The following ENPP6 variants were observed in gnomAD, a reference collection of about 807,000 sequenced individuals.
ENPP6 encodes the protein ectonucleotide pyrophosphatase/phosphodiesterase 6, also known as glycerophosphocholine cholinephosphodiesterase ENPP6.
A neutral mutation model predicts 42.0 loss-of-function variants in ENPP6; 32 were observed. The ratio of observed to expected loss-of-function variants is 0.76; its 90% CI spans 0.58 to 1.02. ENPP6 has a LOEUF of 1.02. Ranked by LOEUF, ENPP6 falls within the 50% of genes least tolerant of loss-of-function variation. The probability of loss-of-function intolerance (pLI) is 0.00; values close to 1 mark genes in which losing one functional copy is unlikely to be tolerated. For synonymous variants in ENPP6, 213 were observed against 216.0 expected, an observed-to-expected ratio of 0.99 and a Z score of 0.12; for missense variants, 552 against 566.8, an observed-to-expected ratio of 0.97 and a Z score of 0.27.
chr4:184,189,401 C>T (rs191114123), intron 1 of ENPP6, among the ~76,000 whole-genome samples: 2 of 152,312 alleles, frequency 1.3e-5, no homozygotes, highest in African/African-American at 4.8e-5. Flanking sequence ...GCCACTTTCC[C>T]TCTTTTTAAA....
In ENPP6 at chr4:184,101,909, G is replaced by T. The variant is rs1407489648; in HGVS notation, c.994-4541C>A. ...CAAGTCGCCCCACACCAGGACGCGC[G>T]GTGAGAAGCCGCTGCGAGGGTGCCT... On this transcript the variant is annotated intron_variant, in intron 6 of 7. Coordinates refer to ENST00000296741, the MANE Select transcript of ENPP6 (RefSeq NM_153343.4). 2.0e-5 allele frequency among the ~76,000 whole-genome samples: 3 copies of T among 152,310 alleles called. No homozygotes were observed. The South Asian group carries it at 6.2e-4, about 32-fold the overall frequency.
At chr4:184,148,485 G>A (rs1436410059) in intron 2 of ENPP6, among the ~76,000 whole-genome samples, 1 of 152,206 alleles carries the variant, frequency 6.6e-6, no homozygotes, top group Non-Finnish European at 1.5e-5. Flanking sequence ...CAAAGAGGCA[G>A]CATCTCCTCT....
chr4:184,097,212 G>A (rs1342518413), intron 7 of ENPP6, 33 bp downstream of exon 7: 4 of 1,613,618 alleles, frequency 2.5e-6, no homozygotes, highest in South Asian at 2.2e-5. Context: ...TTGGGAATGG[G>A]GTCTGAGAGC....
At chr4:184,208,482 G>C (rs914097682) in intron 1 of ENPP6, among the ~76,000 whole-genome samples, 6 of 152,290 alleles carry the variant, frequency 3.9e-5, no homozygotes, top group South Asian at 2.1e-4. Flanking sequence ...GGTGACGGAT[G>C]GCATCTGGAA....
intron 1 of ENPP6, among the ~76,000 whole-genome samples, chr4:184,155,328 A>G (rs1278430519): frequency 1.3e-5 from 2 of 152,220 alleles, no homozygotes; most frequent in African/African-American, 4.8e-5. Context: ...AAATTGTATT[A>G]TCCTAATGAT....
chr4:184,103,449 C>T lies in ENPP6; in HGVS notation c.994-6081G>A, dbSNP rs544582650. Among the ~76,000 whole-genome samples, 5 of 152,282 alleles carry T rather than the reference C, an allele frequency of 3.3e-5. No homozygotes were observed. In the South Asian group the frequency reaches 6.2e-4, roughly 19 times the overall value. ...AAATCTACTTTTTTCTTCTAGGACA[C>T]GGTTATAACAGAAGCCTCCCACCTC... On this transcript the variant is annotated intron_variant, in intron 6 of 7. Coordinates refer to ENST00000296741, the MANE Select transcript of ENPP6 (RefSeq NM_153343.4).
intron 2 of ENPP6, among the ~76,000 whole-genome samples, chr4:184,140,114 G>A (rs993329188): frequency 4.0e-5 from 6 of 151,372 alleles, no homozygotes; most frequent in Middle Eastern, 3.4e-3. Context: ...GCCAGTGATG[G>A]TGAGCATTTT....
intron 1 of ENPP6, among the ~76,000 whole-genome samples, chr4:184,200,197 G>T (rs942868557): frequency 6.6e-6 from 1 of 152,218 alleles, no homozygotes; most frequent in Admixed American, 6.5e-5. Context: ...TAGAGCCTCT[G>T]CCCATGAGAG....
intron 5 of ENPP6, among the ~76,000 whole-genome samples, chr4:184,113,912 TTTC>T (rs1342965762): frequency 3.1e-4 from 39 of 123,878 alleles, no homozygotes; most frequent in African/African-American, 1.1e-3. Flanking sequence ...TCTTTCTTTC[TTTC>T]TTTCTTTCTT....
At chr4:184,123,057 T>C (rs1736445064) in intron 3 of ENPP6, among the ~76,000 whole-genome samples, 1 of 152,246 alleles carries the variant, frequency 6.6e-6, no homozygotes, top group Non-Finnish European at 1.5e-5. Context: ...AATGAGAGCA[T>C]GAACCTTTAT....
chr4:184,142,700 C>G (rs1736843371), intron 2 of ENPP6, among the ~76,000 whole-genome samples: 1 of 152,224 alleles, frequency 6.6e-6, no homozygotes, highest in African/African-American at 2.4e-5. Context: ...ACTGGGCACA[C>G]AAAGTGACTA....
At chr4:184,103,903 G>A (rs536370493) in intron 6 of ENPP6, among the ~76,000 whole-genome samples, 23 of 152,324 alleles carry the variant, frequency 1.5e-4, no homozygotes, top group Middle Eastern at 3.4e-3. Context: ...TCCTCGAAAT[G>A]GAAAATGCAG....
intron 2 of ENPP6, among the ~76,000 whole-genome samples, chr4:184,152,151 TG>T (rs1283058474): frequency 1.3e-5 from 2 of 152,182 alleles, no homozygotes; most frequent in African/African-American, 2.4e-5. Context: ...GTGAGGCCAC[TG>T]CTCTGCAGCA....
chr4:184,119,851 G>T (rs552108339), intron 3 of ENPP6, among the ~76,000 whole-genome samples: 31 of 152,250 alleles, frequency 2.0e-4, no homozygotes, highest in African/African-American at 6.3e-4. Context: ...GCTGCCATGT[G>T]AAGAAGGACA....
chr4:184,090,954 T>A lies in ENPP6; in HGVS notation c.*223A>T, dbSNP rs114117043. The A allele has an allele frequency of 8.4e-6, 4 of 475,114 alleles. No individual in the cohort carries two copies. Among genetic ancestry groups the A allele is most frequent in the Non-Finnish European group, 1.1e-5 (3 of 276,560 alleles). 29.4% of individuals were successfully genotyped at this position (475,114 alleles called of 1,614,324 possible). A position where few individuals can be genotyped will look rare whatever the true frequency, so the allele number is the denominator to read the frequency against. ...AGAAAATGACATATAACTGCACAAA[T>A]GGAAAGCTAGGATTTTCCTACCTTC... On this transcript the variant is annotated 3_prime_UTR_variant, in exon 8 of 8. Transcript: ENST00000296741.
intron 6 of ENPP6, among the ~76,000 whole-genome samples, chr4:184,106,866 G>C (rs1736106583): frequency 6.6e-6 from 1 of 152,222 alleles, no homozygotes; most frequent in Non-Finnish European, 1.5e-5. Flanking sequence ...CATATCTGCT[G>C]GTTCGCTAGG....
At chr4:184,200,701 C>T (rs73009774) in intron 1 of ENPP6, among the ~76,000 whole-genome samples, 11,769 of 152,234 alleles carry the variant, frequency 0.077, 612 homozygotes, top group African/African-American at 0.15. Context: ...CACACTGCTT[C>T]GCAGCCTGCC....
chr4:184,125,802 T>G (rs1486045223), intron 2 of ENPP6, among the ~76,000 whole-genome samples: 1 of 152,166 alleles, frequency 6.6e-6, no homozygotes, highest in Non-Finnish European at 1.5e-5. Context: ...GACCCAGAAA[T>G]AAATACTGCT....
rs148217337 is a variant in ENPP6 at position 184,098,823 on chromosome 4, G to A, written c.994-1455C>T. Among the ~76,000 whole-genome samples the A allele has an allele frequency of 2.1e-3, 315 of 152,306 alleles. 1 individual carries two copies. The highest frequency in any genetic ancestry group is 7.1e-3 in the African/African-American group (295 of 41,566). The stretch of plus-strand genomic sequence containing the variant: ...ATTCTTCTAAGACCTCGCCAAGGAC[G>A]AACGGCCCATCCTTGCTAGGCAGGT... On this transcript the variant is annotated intron_variant, in intron 6 of 7. Coordinates refer to ENST00000296741, the MANE Select transcript of ENPP6 (RefSeq NM_153343.4).
Sources: allele counts gnomAD v4.1 joint callset (sites outside exome capture counted in the v4.1 genomes callset), GRCh38; gene constraint gnomAD v4.1.1; transcripts MANE v1.5; gene names NCBI Gene and HGNC (gene_info 2026-07-23, HGNC 2026-07-21).